The following WASHC4 variants were observed in gnomAD, a reference collection of about 807,000 sequenced individuals.
WASHC4 encodes WASH complex subunit 4, also known as WASH complex subunit 7.
A neutral mutation model predicts 166.6 loss-of-function variants in WASHC4; 86 were observed. That is an observed-to-expected ratio of 0.52 (90% CI 0.43 to 0.62). WASHC4 has a LOEUF of 0.62. Among genes scored for constraint, WASHC4 ranks in the 20% least tolerant of loss-of-function variants. The pLI is 0.00. For synonymous variants in WASHC4, 446 were observed against 451.6 expected (o/e 0.99, Z 0.16); for missense variants, 1,262 against 1,382.4 (o/e 0.91, Z 1.38).
intron 10 of WASHC4, among the ~76,000 whole-genome samples, chr12:105,122,794 A>G (rs1880889609): frequency 6.6e-6 from 1 of 152,154 alleles, no homozygotes; most frequent in African/African-American, 2.4e-5. Context: ...TAAGATGATG[A>G]ACTTAATCGA....
rs1566031977 is a variant in WASHC4, at chr12:105,162,796, T to C, written c.3108T>C (p.Asn1036=). Residue 1036 remains asparagine, a synonymous_variant, in exon 30 of 33, where the codon AAT becomes AAC. Transcript: ENST00000332180. ...CCATTAGTTGCAAGGAAAAATTAAATAAAAAAAATAAAATTGGAGCTGCCT... is the reference window on the plus strand; with the variant it reads ...CCATTAGTTGCAAGGAAAAATTAAACAAAAAAAATAAAATTGGAGCTGCCT... The part of the protein sequence containing the change: ...EHSISCKEKL[N]KKNKIGAAFT... 1.2e-6 allele frequency: 2 copies of C among 1,603,640 alleles called. No individual in the cohort carries two copies. Among genetic ancestry groups the C allele is most frequent in the Admixed American group, 1.7e-5 (1 of 59,948 alleles).
chr12:105,117,432 A>G (rs1341114394), intron 6 of WASHC4, among the ~76,000 whole-genome samples: 2 of 152,052 alleles, frequency 1.3e-5, no homozygotes, highest in African/African-American at 2.4e-5. Context: ...TATAGTCTGT[A>G]TGTATATCTG....
At position 105,133,787 on chromosome 12, in the gene WASHC4, A is replaced by G; in HGVS notation, c.1217A>G (p.Tyr406Cys). 2.5e-6 allele frequency: 4 copies of G among 1,612,530 alleles called. No individual in the cohort carries two copies. Among genetic ancestry groups the G allele is most frequent in the Non-Finnish European group, 2.5e-6 (3 of 1,178,912 alleles). Residue 406 changes from tyrosine (Y) to cysteine (C), a missense_variant, in exon 14 of 33, where the codon TAC becomes TGC. Physicochemically the swap from Tyr to Cys is radical, Grantham distance 194. Coordinates refer to ENST00000332180, the MANE Select transcript of WASHC4 (RefSeq NM_015275.3). ...QSLTKDVQSY[Y>C]VFVSSWMMKM... ...TTTGTTAGAGATGTACAGTCTTACT[A>G]CGTCTTTGTGAGCTCATGGATGATG...
Position 105,156,664 on chromosome 12 carries a change from T to A in WASHC4, c.2759-62T>A. On this transcript the variant is annotated intron_variant, in intron 26 of 32. Coordinates refer to ENST00000332180, the MANE Select transcript of WASHC4 (RefSeq NM_015275.3). Reference sequence around the variant, plus strand: ...TGTAATTTACTACTGTATGTAACTATATTCCTATTAGAATTTAGAGTTATT... The same window carrying A: ...TGTAATTTACTACTGTATGTAACTAAATTCCTATTAGAATTTAGAGTTATT... 7 of 1,329,598 alleles carry A rather than the reference T, an allele frequency of 5.3e-6. No individual in the cohort carries two copies. The South Asian group carries it at 6.0e-5, about 11-fold the overall frequency. 82.4% of individuals were successfully genotyped at this position (1,329,598 alleles called of 1,614,324 possible).
At chr12:105,120,532 A>T (rs1168248291) in intron 7 of WASHC4, 23 bp from the exon 8 acceptor site, 1 of 1,510,830 alleles carries the variant, frequency 6.6e-7, no homozygotes, top group South Asian at 1.1e-5. Flanking sequence ...GTTTTTTTTA[A>T]CTTGGTTGTT....
intron 13 of WASHC4, among the ~76,000 whole-genome samples, chr12:105,131,667 A>G (rs920340432): frequency 6.6e-6 from 1 of 151,956 alleles, no homozygotes; most frequent in African/African-American, 2.4e-5. Flanking sequence ...CTTGATCACA[A>G]CCTCCTCCTC....
At chr12:105,160,918 T>C (rs1254654480) in intron 29 of WASHC4, among the ~76,000 whole-genome samples, 1 of 152,200 alleles carries the variant, frequency 6.6e-6, no homozygotes, top group Non-Finnish European at 1.5e-5. Context: ...ATGTAACGTG[T>C]TCTTGCTCTA....
chr12:105,164,483 C>A, intron 31 of WASHC4, 158 bp from the exon 32 acceptor site: 2 of 808,572 alleles, frequency 2.5e-6, no homozygotes, highest in South Asian at 1.6e-5. Context: ...TGACTCACAT[C>A]TTAAAAATGG....
Position 105,115,033 on chromosome 12 carries a change from ATTGC to A in WASHC4, c.322-148_322-145del, listed in dbSNP as rs61697765. 2.2e-3 allele frequency: 1,219 copies of A among 563,238 alleles called. 17 individuals carry two copies. The highest frequency in any genetic ancestry group is 0.021 in the African/African-American group (1,091 of 52,798). 34.9% of individuals were successfully genotyped at this position (563,238 alleles called of 1,614,324 possible). A position where few individuals can be genotyped will look rare whatever the true frequency, so the allele number is the denominator to read the frequency against. On this transcript the variant is annotated intron_variant, in intron 4 of 32. Coordinates refer to ENST00000332180, the MANE Select transcript of WASHC4 (RefSeq NM_015275.3). ...AATATTTTTGTTACTCTAAAGATGA[ATTGC>A]TTTATAAACAGATTTTGAATTTAAA...
chr12:105,149,181 C>A (rs1365510632), intron 24 of WASHC4: 11 of 985,174 alleles, frequency 1.1e-5, no homozygotes, highest in Middle Eastern at 1.0e-3. Flanking sequence ...GTGGTATCTT[C>A]AGGAAGGTTC....
intron 10 of WASHC4, 66 bp downstream of exon 10, chr12:105,122,304 G>C (rs1308285813): frequency 2.7e-6 from 4 of 1,509,086 alleles, no homozygotes; most frequent in Admixed American, 1.7e-5. Flanking sequence ...CAGAATTATA[G>C]TAGGACACTT....
intron 2 of WASHC4, 90 bp from the exon 3 acceptor site, chr12:105,114,126 A>G: frequency 8.7e-7 from 1 of 1,149,096 alleles, no homozygotes; most frequent in African/African-American, 1.5e-5. Flanking sequence ...ACACAAGTTT[A>G]AGTCGAATAA....
intron 7 of WASHC4, 114 bp downstream of exon 7, chr12:105,118,642 T>C (rs560205987): frequency 1.0e-4 from 75 of 740,138 alleles, no homozygotes; most frequent in Middle Eastern, 3.4e-4. Flanking sequence ...TGAACACTTA[T>C]GATATTTCAA....
At chr12:105,110,282 G>A (rs1327434955) in intron 1 of WASHC4, among the ~76,000 whole-genome samples, 1 of 152,114 alleles carries the variant, frequency 6.6e-6, no homozygotes, top group Non-Finnish European at 1.5e-5. Flanking sequence ...CTAATTTGAG[G>A]AGAGCAAATT....
In WASHC4 at chr12:105,152,398, C is replaced by T; in HGVS notation, c.2705C>T (p.Thr902Ile). ...FNRGIRKLGV[T>I]PEGQSYLDQF... ...CGAGGCATCAGAAAACTTGGAGTAA[C>T]ACCTGAGGGACAGAGCTACCTTGAT... The change falls in exon 26 of 33, where the codon ACA (threonine) becomes ATA (isoleucine). Residue 902 changes from threonine to isoleucine, a missense_variant. By Grantham distance (89) the Thr-to-Ile change is moderately conservative. Coordinates refer to ENST00000332180, the MANE Select transcript of WASHC4 (RefSeq NM_015275.3). 6.2e-7 allele frequency: 1 copy of T among 1,606,976 alleles called. No homozygotes were observed. Among genetic ancestry groups the T allele is most frequent in the Non-Finnish European group, 8.5e-7 (1 of 1,173,626 alleles).
intron 14 of WASHC4, among the ~76,000 whole-genome samples, chr12:105,135,506 C>T (rs1466567075): frequency 1.3e-5 from 2 of 151,152 alleles, no homozygotes; most frequent in East Asian, 3.9e-4. Context: ...AAATATGTAT[C>T]TTTCTTTACT....
Position 105,107,837 on chromosome 12 carries a change from G to C in WASHC4, c.37G>C (p.Asp13His). The C allele has an allele frequency of 6.4e-7, 1 of 1,551,124 alleles. No homozygotes were observed. The highest frequency in any genetic ancestry group is 8.7e-7 in the Non-Finnish European group (1 of 1,146,600). The change falls in exon 1 of 33, where the codon GAC becomes CAC. Residue 13 changes from aspartate to histidine, a missense_variant. Transcript: ENST00000332180. ...VETLSPDWEF[D>H]RVDDGSQKIH... is the part of the protein sequence containing the mutation. ...GACTCTGTCCCCGGACTGGGAGTTTGACCGCGTTGACGACGGCTCGCAGAG... is the reference window on the plus strand; with the variant it reads ...GACTCTGTCCCCGGACTGGGAGTTTCACCGCGTTGACGACGGCTCGCAGAG...
intron 32 of WASHC4, 81 bp downstream of exon 32, chr12:105,164,821 C>A: frequency 1.1e-6 from 1 of 911,796 alleles, no homozygotes; most frequent in Non-Finnish European, 1.8e-6. Flanking sequence ...TCTGGTCAGA[C>A]ATCTAGCTTC....
intron 23 of WASHC4, 113 bp downstream of exon 23, chr12:105,146,639 G>A: frequency 1.5e-6 from 1 of 683,476 alleles, no homozygotes. Context: ...AAAAATAATT[G>A]TTTTCGAGGC....
Sources: allele counts gnomAD v4.1 joint callset (sites outside exome capture counted in the v4.1 genomes callset), GRCh38; gene constraint gnomAD v4.1.1; transcripts MANE v1.5; gene names NCBI Gene and HGNC (gene_info 2026-07-23, HGNC 2026-07-21).